The following HELZ variants were observed in gnomAD, a reference collection of about 807,000 sequenced individuals.
HELZ encodes ATP-dependent RNA helicase with zinc finger domain.
A neutral mutation model predicts 218.2 loss-of-function variants in HELZ; 23 were observed. The ratio of observed to expected loss-of-function variants is 0.11; its 90% CI spans 0.08 to 0.15. The LOEUF (loss-of-function observed/expected upper bound fraction) is 0.15. Ranked by LOEUF, HELZ falls within the 10% of genes least tolerant of loss-of-function variation. The pLI is 1.00. For synonymous variants in HELZ, 814 were observed against 829.4 expected, an observed-to-expected ratio of 0.98 and a Z score of 0.32; for missense variants, 1,813 against 2,353.7, an observed-to-expected ratio of 0.77 and a Z score of 4.75.
intron 31 of HELZ, among the ~76,000 whole-genome samples, chr17:67,093,078 G>C (rs1476669268): frequency 6.6e-6 from 1 of 152,200 alleles, no homozygotes; most frequent in Non-Finnish European, 1.5e-5. Flanking sequence ...AGAAACAATA[G>C]TGATGTTTTA....
At chr17:67,245,305 T>G (rs2041454230), upstream of HELZ, 2 of 839,364 alleles carry the variant, frequency 2.4e-6, no homozygotes, top group African/African-American at 1.9e-5. Flanking sequence ...GCCCGGAAAG[T>G]TGCCCCGGGT....
intron 25 of HELZ, 97 bp downstream of exon 25, chr17:67,123,866 A>G: frequency 1.2e-6 from 1 of 809,016 alleles, no homozygotes; most frequent in East Asian, 2.4e-5. Context: ...AGAGAGAGAG[A>G]AACCATCTCC....
chr17:67,170,376 G>A (rs1330097658), intron 13 of HELZ, among the ~76,000 whole-genome samples: 4 of 152,208 alleles, frequency 2.6e-5, no homozygotes, highest in African/African-American at 7.2e-5. Context: ...TTAGCTGGGC[G>A]TGGTGGCACA....
Position 67,181,297 on chromosome 17 carries a change from C to T in HELZ, c.1163-2371G>A, listed in dbSNP as rs78959730. 3.3e-3 allele frequency among the ~76,000 whole-genome samples: 505 copies of T among 152,200 alleles called. 7 individuals carry two copies. The highest frequency in any genetic ancestry group is 0.023 in the Admixed American group (348 of 15,280). On this transcript the variant is annotated intron_variant, in intron 12 of 32. Transcript: ENST00000358691. The stretch of plus-strand genomic sequence containing the variant: ...TTAAGTAGCTGAGACAAGAACAAAC[C>T]TAAAATGACAGAGCTTTCCCTGGAA...
At chr17:67,232,158 T>C (rs955907059) in intron 3 of HELZ, among the ~76,000 whole-genome samples, 1 of 152,074 alleles carries the variant, frequency 6.6e-6, no homozygotes, top group Non-Finnish European at 1.5e-5. Flanking sequence ...AATTTTTTTT[T>C]TTCGAGATAG....
chr17:67,173,128 C>T, intron 13 of HELZ: 1 of 646,068 alleles, frequency 1.5e-6, no homozygotes, highest in Non-Finnish European at 1.9e-6. Flanking sequence ...TGCAGCTTTT[C>T]CCACAGAAAA....
intron 31 of HELZ, among the ~76,000 whole-genome samples, chr17:67,089,668 T>TATATATATATATAGAGAGAGAGAGAGAG (rs71293575): frequency 1.4e-5 from 1 of 70,640 alleles, no homozygotes; most frequent in Non-Finnish European, 2.6e-5. Flanking sequence ...TATATATATA[T>TATATATATATATAGAGAGAGAGAGAGAG]AGAGAGAGAG....
intron 5 of HELZ, among the ~76,000 whole-genome samples, chr17:67,208,590 A>G (rs1322608012): frequency 6.6e-6 from 1 of 152,094 alleles, no homozygotes; most frequent in Admixed American, 6.6e-5. Flanking sequence ...TTTTTAAAAA[A>G]TAGTTTGTAA....
intron 13 of HELZ, chr17:67,173,173 T>C (rs2039360336): frequency 4.1e-6 from 1 of 244,700 alleles, no homozygotes; most frequent in Admixed American, 6.5e-5. Flanking sequence ...CATTATAGAC[T>C]TTCTAGTAAA....
chr17:67,107,215 A>G lies in HELZ; in HGVS notation c.5195T>C (p.Leu1732Ser), dbSNP rs548908675. 2.3e-5 allele frequency: 37 copies of G among 1,614,186 alleles called. No homozygotes were observed. In the South Asian group the frequency reaches 3.8e-4, roughly 17 times the overall value. The change falls in exon 31 of 33, where the codon TTG becomes TCG. Residue 1732 changes from leucine to serine, a missense_variant. By Grantham distance (145) the Leu-to-Ser change is moderately radical. Around this residue, in one of 4 missense-constraint regions of HELZ, gnomAD observed 938 missense variants for 1,027.5 expected, o/e 0.91. Transcript: ENST00000358691. ...AGAAGAAGATACTGTTCGAGATGAC[A>G]ATGGGTGAAATGGCTCTTGACCAAT... ...HAIGQEPFHP[L>S]SSRTVSSSSL... is the part of the protein sequence containing the mutation.
chr17:67,221,739 T>A (rs936227455), intron 3 of HELZ, among the ~76,000 whole-genome samples: 1 of 152,214 alleles, frequency 6.6e-6, no homozygotes, highest in Non-Finnish European at 1.5e-5. Context: ...AAAGAATGCC[T>A]GGGACATAAG....
intron 3 of HELZ, among the ~76,000 whole-genome samples, chr17:67,221,109 C>T (rs952635966): frequency 6.6e-6 from 1 of 152,166 alleles, no homozygotes; most frequent in Non-Finnish European, 1.5e-5. Flanking sequence ...AGTGGCATTA[C>T]AAAATTACTA....
chr17:67,225,123 G>GT (rs935756877), intron 3 of HELZ: 8 of 426,262 alleles, frequency 1.9e-5, no homozygotes, highest in African/African-American at 1.4e-4. Context: ...CAAAGCATTT[G>GT]TTTTAACAAC....
chr17:67,245,278 C>G (rs915508325), upstream of HELZ: 1 of 941,848 alleles, frequency 1.1e-6, no homozygotes, highest in Non-Finnish European at 1.3e-6. Context: ...GCGCCGCCCC[C>G]TCCGGCCGCG....
chr17:67,104,992 G>T (rs2037055940), intron 31 of HELZ, among the ~76,000 whole-genome samples: 1 of 152,134 alleles, frequency 6.6e-6, no homozygotes. Flanking sequence ...AATTAGCTGG[G>T]TGTGGTGGTG....
chr17:67,089,664 T>TAGAGAGAG (rs1451569948), intron 31 of HELZ, among the ~76,000 whole-genome samples: 6 of 45,462 alleles, frequency 1.3e-4, no homozygotes, highest in African/African-American at 4.7e-4. Context: ...TATATATATA[T>TAGAGAGAG]ATATAGAGAG....
At chr17:67,109,769 T>A in intron 28 of HELZ, 83 bp from the exon 29 acceptor site, 2 of 962,004 alleles carry the variant, frequency 2.1e-6, no homozygotes, top group Non-Finnish European at 3.1e-6. Flanking sequence ...CTAACACATC[T>A]AAAGGATATG....
chr17:67,174,784 C>T (rs1214129337), intron 13 of HELZ, among the ~76,000 whole-genome samples: 3 of 151,912 alleles, frequency 2.0e-5, no homozygotes, highest in Admixed American at 6.6e-5. Context: ...GCAACAAGAA[C>T]GAAACTCCAT....
chr17:67,219,380 C>T (rs768432382), intron 3 of HELZ, among the ~76,000 whole-genome samples: 1 of 152,206 alleles, frequency 6.6e-6, no homozygotes, highest in Non-Finnish European at 1.5e-5. Flanking sequence ...GCAATGAATG[C>T]AAAGACAGGG....
Sources: gnomAD v4.1 joint callset for allele counts (sites outside exome capture counted in the v4.1 genomes callset) on GRCh38, gnomAD v4.1.1 for gene constraint, gnomAD v4.1.1 regional missense constraint, MANE v1.5 for transcripts, NCBI Gene and HGNC (gene_info 2026-07-23, HGNC 2026-07-21) for gene names.